Variants in VPS13C observed in about 807,000 individuals in gnomAD.
VPS13C encodes vacuolar protein sorting 13 homolog C, also known as intermembrane lipid transfer protein VPS13C.
A neutral mutation model predicts 456.8 loss-of-function variants in VPS13C; 358 were observed. The observed-to-expected ratio is 0.78, with a 90% CI of 0.72 to 0.86. The LOEUF (loss-of-function observed/expected upper bound fraction) is 0.86. Ranked by LOEUF, VPS13C falls within the 40% of genes least tolerant of loss-of-function variation. The probability of loss-of-function intolerance (pLI) is 0.00; values close to 1 mark genes in which losing one functional copy is unlikely to be tolerated. For missense variants in VPS13C, 4,818 were observed against 4,385.4 expected (o/e 1.10, Z -2.79); for synonymous variants, 1,578 against 1,486.7 (o/e 1.06, Z -1.41).
At chr15:62,002,716 C>A (rs2140469120) in intron 15 of VPS13C, among the ~76,000 whole-genome samples, 1 of 152,160 alleles carries the variant, frequency 6.6e-6, no homozygotes, top group South Asian at 2.1e-4. Flanking sequence ...AGGAAGGGAT[C>A]CAGTTTCAGC....
At chr15:61,949,186 T>C (rs2044704306) in intron 42 of VPS13C, among the ~76,000 whole-genome samples, 1 of 152,176 alleles carries the variant, frequency 6.6e-6, no homozygotes, top group South Asian at 2.1e-4. Context: ...CAACATAAAG[T>C]ACATACAATT....
At chr15:62,037,094 C>T (rs186839960) in intron 3 of VPS13C, among the ~76,000 whole-genome samples, 1 of 144,840 alleles carries the variant, frequency 6.9e-6, no homozygotes, top group African/African-American at 2.6e-5. Flanking sequence ...GCCATTAAAT[C>T]TTTGTGTACT....
At chr15:61,929,480 T>A (rs72747895) in intron 51 of VPS13C, 21 bp downstream of exon 51, 1 of 1,608,384 alleles carries the variant, frequency 6.2e-7, no homozygotes, top group Non-Finnish European at 8.5e-7. Context: ...TTGTCATCTA[T>A]GACAGATAAA....
Position 61,922,618 on chromosome 15 carries a change from G to A in VPS13C, c.6754C>T (p.Leu2252Phe). 6 of 1,614,014 alleles carry A rather than the reference G, an allele frequency of 3.7e-6. No individual in the cohort carries two copies. Among genetic ancestry groups the A allele is most frequent in the Non-Finnish European group, 5.1e-6 (6 of 1,179,968 alleles). The change falls in exon 54 of 85, where the codon CTT becomes TTT. Residue 2252 changes from leucine (L) to phenylalanine (F), a missense_variant. Physicochemically the swap from Leu to Phe is conservative, Grantham distance 22. Coordinates refer to ENST00000644861, the MANE Select transcript of VPS13C (RefSeq NM_020821.3). Reference protein sequence around the residue: ...KSINDYNTWFLGVDTATEITE... With the variant: ...KSINDYNTWFFGVDTATEITE... Reference sequence around the variant, plus strand: ...ATTTCTGTTGCCGTGTCAACACCAAGAAACCAAGTGTTATAATCATTAATC... The same window carrying A: ...ATTTCTGTTGCCGTGTCAACACCAAAAAACCAAGTGTTATAATCATTAATC...
chr15:61,972,615 A>G lies in VPS13C; in HGVS notation c.2757+10T>C. ...AGAATATATCTATTTATAGACAAAA[A>G]AGCACATACTTCTTTAATTTCAAAC... On this transcript the variant is annotated intron_variant, in intron 27 of 84. Coordinates refer to ENST00000644861, the MANE Select transcript of VPS13C (RefSeq NM_020821.3). 1.2e-6 allele frequency: 2 copies of G among 1,611,458 alleles called. No homozygotes were observed. Among genetic ancestry groups the G allele is most frequent in the Non-Finnish European group, 1.7e-6 (2 of 1,179,146 alleles).
chr15:61,881,588 C>T lies in VPS13C; in HGVS notation c.9751G>A (p.Glu3251Lys), dbSNP rs1895852225. ...IDVSVITRFNEYSKVLQFKYF... is the reference protein window; with the variant it reads ...IDVSVITRFNKYSKVLQFKYF... ...TTGAACTGTAAGACTTTACTGTACTCATTAAATCTTGTGATGACACTCACA... is the reference window on the plus strand; with the variant it reads ...TTGAACTGTAAGACTTTACTGTACTTATTAAATCTTGTGATGACACTCACA... The change falls in exon 71 of 85, where the codon GAG (glutamate) becomes AAG (lysine). Residue 3251 changes from glutamate to lysine, a missense_variant. Physicochemically the swap from Glu to Lys is moderately conservative, Grantham distance 56 (BLOSUM62 1). This residue lies in a region of VPS13C where 4,552 missense variants were observed against 4,130.6 expected (regional missense o/e 1.10). Coordinates refer to ENST00000644861, the MANE Select transcript of VPS13C (RefSeq NM_020821.3). The T allele has an allele frequency of 6.2e-7, 1 of 1,612,438 alleles. No individual in the cohort carries two copies. Among genetic ancestry groups the T allele is most frequent in the East Asian group, 2.2e-5 (1 of 44,752 alleles).
intron 77 of VPS13C, 57 bp from the exon 78 acceptor site, chr15:61,873,466 A>C: frequency 1.3e-6 from 2 of 1,491,794 alleles, no homozygotes; most frequent in Non-Finnish European, 1.8e-6. Context: ...CAAGGAACTC[A>C]ACAGCAAGAA....
intron 6 of VPS13C, among the ~76,000 whole-genome samples, chr15:62,027,544 C>T (rs537066053): frequency 1.3e-5 from 2 of 152,046 alleles, no homozygotes; most frequent in Non-Finnish European, 2.9e-5. Context: ...CATGAATCAA[C>T]CTATTAAAGT....
At chr15:62,022,406 T>C (rs1317527098) in intron 8 of VPS13C, among the ~76,000 whole-genome samples, 1 of 151,942 alleles carries the variant, frequency 6.6e-6, no homozygotes, top group Non-Finnish European at 1.5e-5. Context: ...CCAGGTTCAC[T>C]TTTCTCGACA....
In VPS13C at chr15:61,961,394, A is replaced by AACACAC. The variant is rs66786972; in HGVS notation, c.3908+189_3908+194dup. ...GTGACAGACCAAGACTCCAACTCAA[A>AACACAC]ACACACACACACACACACACACACA... On this transcript the variant is annotated intron_variant, in intron 35 of 84. Coordinates refer to ENST00000644861, the MANE Select transcript of VPS13C (RefSeq NM_020821.3). Among the ~76,000 whole-genome samples, 481 of 132,678 alleles carry AACACAC rather than the reference A, an allele frequency of 3.6e-3. 2 individuals are homozygous for AACACAC. Among genetic ancestry groups the AACACAC allele is most frequent in the East Asian group, 9.5e-3 (42 of 4,428 alleles). The allele number at this position is 132,678 out of a possible 152,430, so 87.0% of individuals were successfully genotyped here. A position where few individuals can be genotyped will look rare whatever the true frequency, so the allele number is the denominator to read the frequency against.
At chr15:61,885,391 G>A (rs1245072661) in intron 67 of VPS13C, among the ~76,000 whole-genome samples, 1 of 152,020 alleles carries the variant, frequency 6.6e-6, no homozygotes, top group African/African-American at 2.4e-5. Context: ...ACTATTATTG[G>A]TGTTTAGTCA....
At chr15:61,996,998 C>CATATATACATATATATATAT (rs2046408429) in intron 16 of VPS13C, among the ~76,000 whole-genome samples, 1 of 145,538 alleles carries the variant, frequency 6.9e-6, no homozygotes, top group African/African-American at 2.6e-5. Context: ...TACATACATA[C>CATATATACATATATATATAT]ATATATATAT....
chr15:62,044,190 G>A (rs1321373223), intron 2 of VPS13C, 22 bp downstream of exon 2: 2 of 1,456,386 alleles, frequency 1.4e-6, no homozygotes, highest in Non-Finnish European at 1.9e-6. Context: ...TGAGTTATTA[G>A]CATAGTTTAA....
intron 48 of VPS13C, 71 bp from the exon 49 acceptor site, chr15:61,934,402 T>TA: frequency 1.3e-6 from 1 of 794,802 alleles, no homozygotes; most frequent in Non-Finnish European, 1.9e-6. Flanking sequence ...ATGAGATAAT[T>TA]TCTTATTCTA....
chr15:61,913,066 CTT>C (rs1301445735), intron 62 of VPS13C, among the ~76,000 whole-genome samples: 1 of 150,668 alleles, frequency 6.6e-6, no homozygotes, highest in African/African-American at 2.4e-5. Context: ...AATAGGAACA[CTT>C]TTACACTGTT....
rs192247116 is a variant in VPS13C, at chr15:62,016,671, C to T, written c.685-2679G>A. On this transcript the variant is annotated intron_variant, in intron 9 of 84. Transcript: ENST00000644861. ...CACATTTTCTTAATCCAGTCTATCA[C>T]TGTTGGACACTTGGGTTGGTTCCAA... Among the ~76,000 whole-genome samples the T allele has an allele frequency of 6.3e-3, 952 of 152,016 alleles. 7 individuals carry two copies. The highest frequency in any genetic ancestry group is 0.022 in the African/African-American group (899 of 41,470).
chr15:62,058,303 G>A (rs1379872242), intron 1 of VPS13C, among the ~76,000 whole-genome samples: 1 of 152,192 alleles, frequency 6.6e-6, no homozygotes, highest in African/African-American at 2.4e-5. Flanking sequence ...GATTTCTGCA[G>A]AAGATGCTGG....
At position 61,884,160 on chromosome 15, in the gene VPS13C, G is replaced by T. The variant is rs781448463; in HGVS notation, c.9451C>A (p.His3151Asn). The change falls in exon 68 of 85, where the codon CAT (histidine) becomes AAT (asparagine). Residue 3151 changes from histidine to asparagine, a missense_variant. By Grantham distance (68) the His-to-Asn change is moderately conservative. Coordinates refer to ENST00000644861, the MANE Select transcript of VPS13C (RefSeq NM_020821.3). ...SYQKHQISRD[H>N]GWIKLDNNFE... ...TTATTATCTAGCTTAATCCAGCCAT[G>T]GTCTCTTGATATTTGATGTTTCTGA... The T allele has an allele frequency of 6.2e-7, 1 of 1,602,202 alleles. No individual in the cohort carries two copies. The highest frequency in any genetic ancestry group is 8.5e-7 in the Non-Finnish European group (1 of 1,175,616).
intron 66 of VPS13C, among the ~76,000 whole-genome samples, chr15:61,892,303 T>A (rs753816235): frequency 3.9e-5 from 6 of 152,182 alleles, no homozygotes; most frequent in African/African-American, 7.2e-5. Flanking sequence ...CCCTAAGTCT[T>A]CTGAGGAGGA....
Sources: allele counts gnomAD v4.1 joint callset (sites outside exome capture counted in the v4.1 genomes callset), GRCh38; gene constraint gnomAD v4.1.1; regional missense constraint gnomAD v4.1.1; transcripts MANE v1.5; gene names NCBI Gene and HGNC (gene_info 2026-07-23, HGNC 2026-07-21).